Variants in FMN2 observed in about 807,000 individuals in gnomAD.
FMN2 encodes formin 2.
A neutral mutation model predicts 142.3 loss-of-function variants in FMN2; 51 were observed. That is an observed-to-expected ratio of 0.36 (90% CI 0.29 to 0.45). The LOEUF is 0.45. Ranked by LOEUF, FMN2 falls within the 20% of genes least tolerant of loss-of-function variation. The pLI is 1.00. For missense variants in FMN2, 1,936 were observed against 2,122.8 expected, an observed-to-expected ratio of 0.91 and a Z score of 1.73; for synonymous variants, 882 against 869.8, an observed-to-expected ratio of 1.01 and a Z score of -0.25.
chr1:240,114,812 C>T (rs1204721294), intron 1 of FMN2, among the ~76,000 whole-genome samples: 2 of 152,072 alleles, frequency 1.3e-5, no homozygotes, highest in African/African-American at 4.8e-5. Flanking sequence ...CATGCTCCAC[C>T]ATGCCCAGCT....
chr1:240,137,854 G>A lies in FMN2; in HGVS notation c.1782+14509G>A, dbSNP rs372709647. 8.2e-4 allele frequency among the ~76,000 whole-genome samples: 125 copies of A among 152,190 alleles called. No individual in the cohort carries two copies. In the East Asian group the frequency reaches 0.018, roughly 21 times the overall value. On this transcript the variant is annotated intron_variant, in intron 2 of 17. Transcript: ENST00000319653. ...CACCTGTAATCCCAACACTTTGGGA[G>A]GCCAAGGGGCAGATCACTTGAGGTC...
chr1:240,158,572 T>G (rs1664131348), intron 2 of FMN2, among the ~76,000 whole-genome samples: 1 of 152,030 alleles, frequency 6.6e-6, no homozygotes, highest in South Asian at 2.1e-4. Flanking sequence ...GTCAAATACT[T>G]TTATAAAAAT....
chr1:240,459,213 G>A (rs977040263), intron 16 of FMN2: 1 of 152,048 alleles, frequency 6.6e-6, no homozygotes, highest in Non-Finnish European at 1.5e-5. Context: ...ACTCCTTGTG[G>A]AAGAATGAGA....
intron 4 of FMN2, among the ~76,000 whole-genome samples, chr1:240,203,193 A>G (rs1470152723): frequency 1.3e-5 from 2 of 152,192 alleles, no homozygotes; most frequent in Non-Finnish European, 2.9e-5. Flanking sequence ...GAATGGAATT[A>G]TGTATAGTGG....
At chr1:240,353,222 G>GT (rs987262391) in intron 13 of FMN2, among the ~76,000 whole-genome samples, 4 of 152,178 alleles carry the variant, frequency 2.6e-5, no homozygotes, top group African/African-American at 9.7e-5. Flanking sequence ...AATAGCTACT[G>GT]TTTTTTGTGC....
intron 2 of FMN2, among the ~76,000 whole-genome samples, chr1:240,156,697 C>T (rs570558600): frequency 3.3e-5 from 5 of 152,108 alleles, no homozygotes; most frequent in East Asian, 3.9e-4. Flanking sequence ...TGTGATGGGA[C>T]GGAATTATGC....
chr1:240,307,900 A>G (rs12409018), intron 8 of FMN2, among the ~76,000 whole-genome samples: 31,618 of 152,144 alleles, frequency 0.21, 3,550 homozygotes, highest in Admixed American at 0.33. Flanking sequence ...TGTGTCGTCT[A>G]TGATTTCTTT....
Position 240,260,425 on chromosome 1 carries a change from A to T in FMN2, c.4153+2393A>T, listed in dbSNP as rs1017101556. ...CCATGCCAACATCTATTATTTTTTT[A>T]TTTTTTTTTAATGTGGCCATTCTTG... is the stretch of plus-strand genomic sequence containing the variant. On this transcript the variant is annotated intron_variant, in intron 7 of 17. Transcript: ENST00000319653. Among the ~76,000 whole-genome samples, 2 of 150,106 alleles carry T rather than the reference A, an allele frequency of 1.3e-5. 1 individual carries two copies. The highest frequency in any genetic ancestry group is 4.2e-4 in the South Asian group (2 of 4,750).
At chr1:240,176,355 C>T (rs1480943243) in intron 2 of FMN2, among the ~76,000 whole-genome samples, 2 of 152,170 alleles carry the variant, frequency 1.3e-5, no homozygotes, top group African/African-American at 2.4e-5. Context: ...ACTTGAGAGT[C>T]AGAGCGTGGC....
At chr1:240,285,212 T>A (rs940618967) in intron 7 of FMN2, 4 of 455,356 alleles carry the variant, frequency 8.8e-6, no homozygotes, top group African/African-American at 6.0e-5. Context: ...GGTGAAGTCA[T>A]ATTCTGGATG....
At chr1:240,300,545 A>ACTTTGTACTAGT (rs1401411470) in intron 8 of FMN2, among the ~76,000 whole-genome samples, 6 of 152,146 alleles carry the variant, frequency 3.9e-5, no homozygotes, top group Non-Finnish European at 8.8e-5. Context: ...AGCTCTTCTC[A>ACTTTGTACTAGT]CTTTGTACTA....
At chr1:240,462,191 T>G (rs1003180192) in intron 16 of FMN2, among the ~76,000 whole-genome samples, 10 of 152,284 alleles carry the variant, frequency 6.6e-5, no homozygotes, top group African/African-American at 2.4e-4. Context: ...TTTAAATGAT[T>G]TTTTGGAATG....
chr1:240,315,143 A>C (rs1235967398), intron 8 of FMN2, among the ~76,000 whole-genome samples: 1 of 152,172 alleles, frequency 6.6e-6, no homozygotes, highest in Non-Finnish European at 1.5e-5. Flanking sequence ...TGCTGATGTT[A>C]CAGGAATGGA....
intron 7 of FMN2, among the ~76,000 whole-genome samples, chr1:240,286,842 T>G (rs4659569): frequency 6.6e-6 from 1 of 151,950 alleles, no homozygotes; most frequent in Non-Finnish European, 1.5e-5. Flanking sequence ...ACTCTGTCAC[T>G]TTGAGGATCT....
rs3047182 is a variant in FMN2 at position 240,154,107 on chromosome 1, CAAAAAAAAAA to C, written c.1783-23799_1783-23790del. Among the ~76,000 whole-genome samples the C allele has an allele frequency of 6.3e-3, 349 of 55,316 alleles. 7 individuals are homozygous for C. Among genetic ancestry groups the C allele is most frequent in the African/African-American group, 0.022 (329 of 15,028 alleles). The allele number at this position is 55,316 out of a possible 152,430, so 36.3% of individuals were successfully genotyped here. A position where few individuals can be genotyped will look rare whatever the true frequency, so the allele number is the denominator to read the frequency against. On this transcript the variant is annotated intron_variant, in intron 2 of 17. Transcript: ENST00000319653. Reference sequence around the variant, plus strand: ...CCTGGGCGACAAAGTGAGATTCCATCAAAAAAAAAAAAAAAAAAAAAAAAGTGTTACTACC... The same window carrying C: ...CCTGGGCGACAAAGTGAGATTCCATCAAAAAAAAAAAAAAGTGTTACTACC...
rs142553494 is a variant in FMN2 at position 240,191,598 on chromosome 1, A to G, written c.1986+3336A>G. Among the ~76,000 whole-genome samples the G allele has an allele frequency of 7.1e-3, 1,075 of 152,346 alleles. 14 individuals carry two copies. The highest frequency in any genetic ancestry group is 0.025 in the African/African-American group (1,039 of 41,580). On this transcript the variant is annotated intron_variant, in intron 4 of 17. Coordinates refer to ENST00000319653, the MANE Select transcript of FMN2 (RefSeq NM_020066.5). ...GATTCTGTTTATTAAAATCTTTGCCATTTGAAATATTTAAACTGTAAAGCC... is the reference window on the plus strand; with the variant it reads ...GATTCTGTTTATTAAAATCTTTGCCGTTTGAAATATTTAAACTGTAAAGCC...
chr1:240,215,156 T>C (rs1466048502), intron 6 of FMN2, among the ~76,000 whole-genome samples: 3 of 152,238 alleles, frequency 2.0e-5, no homozygotes, highest in African/African-American at 7.2e-5. Context: ...GCATAGTTTT[T>C]GGTTAATCTT....
intron 7 of FMN2, among the ~76,000 whole-genome samples, chr1:240,267,363 C>A (rs1668850439): frequency 6.6e-6 from 1 of 151,906 alleles, no homozygotes; most frequent in South Asian, 2.1e-4. Context: ...AGGCCATTAT[C>A]CTTAGCAAAC....
intron 1 of FMN2, among the ~76,000 whole-genome samples, chr1:240,121,735 TA>T (rs71168898): frequency 0.1 from 2,669 of 25,524 alleles, 30 homozygotes; most frequent in African/African-American, 0.12. Flanking sequence ...AGGGAAATAG[TA>T]AAAAAAAAAA....
Sources: allele counts gnomAD v4.1 joint callset (sites outside exome capture counted in the v4.1 genomes callset), GRCh38; gene constraint gnomAD v4.1.1; transcripts MANE v1.5; gene names NCBI Gene and HGNC (gene_info 2026-07-23, HGNC 2026-07-21).